Variants in RSC1A1 observed in about 807,000 individuals in gnomAD.
RSC1A1 encodes regulatory solute carrier protein family 1 member 1.
In RSC1A1, 6 loss-of-function variants were observed where a neutral mutation model predicts 7.7. That is an observed-to-expected ratio of 0.78 (90% confidence interval 0.43 to 1.53). The LOEUF (loss-of-function observed/expected upper bound fraction) is 1.53, where lower values mean the gene tolerates loss of function less well. RSC1A1 is among the 40% of genes most tolerant of loss of function. The pLI is 0.01. For missense variants in RSC1A1, 729 were observed against 726.3 expected (o/e 1.00, Z -0.04); for synonymous variants, 250 against 263.0 (o/e 0.95, Z 0.48).
rs1442545986 is a variant in RSC1A1, at chr1:15,660,973, C to A, written c.1105C>A (p.Pro369Thr). ...LHELLVVSSK[P>T]ASENTSEEVI... ...TGAACTTTTGGTTGTTAGCAGTAAACCAGCTTCAGAAAATACATCTGAAGA... is the reference window on the plus strand; with the variant it reads ...TGAACTTTTGGTTGTTAGCAGTAAAACAGCTTCAGAAAATACATCTGAAGA... The change falls in exon 1 of 1, where the codon CCA becomes ACA. Residue 369 changes from proline (P) to threonine (T), a missense_variant. Coordinates refer to ENST00000345034, the MANE Select transcript of RSC1A1 (RefSeq NM_006511.3). 6.2e-7 allele frequency: 1 copy of A among 1,613,778 alleles called. No individual in the cohort carries two copies. Among genetic ancestry groups the A allele is most frequent in the Non-Finnish European group, 8.5e-7 (1 of 1,179,894 alleles).
At position 15,661,430 on chromosome 1, in the gene RSC1A1, T is replaced by C; in HGVS notation, c.1562T>C (p.Val521Ala). ...TKSLSSNFIL[V>A]KDLGQGIQNS... is the part of the protein sequence containing the mutation. ...TCTTTGTCATCCAATTTCATATTGG[T>C]TAAAGACTTAGGTCAGGGCATACAG... The change falls in exon 1 of 1, where the codon GTT (valine) becomes GCT (alanine). Residue 521 changes from valine to alanine, a missense_variant. Transcript: ENST00000345034. 1 of 1,614,134 alleles carries C rather than the reference T, an allele frequency of 6.2e-7. No homozygotes were observed. Among genetic ancestry groups the C allele is most frequent in the Non-Finnish European group, 8.5e-7 (1 of 1,180,030 alleles).
rs1377991416 is a variant in RSC1A1 at position 15,661,728 on chromosome 1, G to A, written c.*6G>A. The A allele has an allele frequency of 4.4e-6, 7 of 1,600,538 alleles. No homozygotes were observed. In the Admixed American group the frequency reaches 1.2e-4, roughly 27 times the overall value. The stretch of plus-strand genomic sequence containing the variant: ...ACATCGTAGTTCCTACATGACTGTG[G>A]GAAAGTGGGCTAGACCGTTCTCCAT... On this transcript the variant is annotated 3_prime_UTR_variant, in exon 1 of 1. Transcript: ENST00000345034.
Position 15,660,132 on chromosome 1 carries a change from A to G in RSC1A1, c.264A>G (p.Pro88=). 2 of 1,614,234 alleles carry G rather than the reference A, an allele frequency of 1.2e-6. No individual in the cohort carries two copies. Among genetic ancestry groups the G allele is most frequent in the Non-Finnish European group, 1.7e-6 (2 of 1,180,050 alleles). Residue 88 remains proline (P), a synonymous_variant, in exon 1 of 1, where the codon CCA becomes CCG. Coordinates refer to ENST00000345034, the MANE Select transcript of RSC1A1 (RefSeq NM_006511.3). ...SDHASSADHA[P]TDQSPAMPMQ... is the part of the protein sequence containing the mutation. ...ATGCTTCCTCAGCAGACCATGCTCCAACAGACCAGAGTCCAGCTATGCCTA... is the reference window on the plus strand; with the variant it reads ...ATGCTTCCTCAGCAGACCATGCTCCGACAGACCAGAGTCCAGCTATGCCTA...
chr1:15,661,280 G>T lies in RSC1A1; in HGVS notation c.1412G>T (p.Arg471Leu), dbSNP rs138904592. ...PKSRESINKNRSVTVTSAKTS... is the reference protein window; with the variant it reads ...PKSRESINKNLSVTVTSAKTS... The stretch of plus-strand genomic sequence containing the variant: ...TCTAGGGAATCCATAAATAAGAACC[G>T]TTCTGTCACTGTAACCTCAGCTAAA... The change falls in exon 1 of 1, where the codon CGT (arginine) becomes CTT (leucine). Residue 471 changes from arginine (R) to leucine (L), a missense_variant. Coordinates refer to ENST00000345034, the MANE Select transcript of RSC1A1 (RefSeq NM_006511.3). The T allele has an allele frequency of 6.8e-6, 11 of 1,614,072 alleles. No homozygotes were observed. The highest frequency in any genetic ancestry group is 9.3e-6 in the Non-Finnish European group (11 of 1,180,012).
At position 15,661,824 on chromosome 1, in the gene RSC1A1, A is replaced by G; in HGVS notation, c.*102A>G. On this transcript the variant is annotated 3_prime_UTR_variant, in exon 1 of 1. Coordinates refer to ENST00000345034, the MANE Select transcript of RSC1A1 (RefSeq NM_006511.3). ...CACACTCACCACATATACAGTATAT[A>G]TAGAAACCTGCAAGCAGAATGTTGA... is the stretch of plus-strand genomic sequence containing the variant. 2 of 1,351,056 alleles carry G rather than the reference A, an allele frequency of 1.5e-6. No individual in the cohort carries two copies. The highest frequency in any genetic ancestry group is 9.6e-7 in the Non-Finnish European group (1 of 1,040,684). The allele number at this position is 1,351,056 out of a possible 1,614,324, so 83.7% of individuals were successfully genotyped here.
In RSC1A1 at chr1:15,661,575, A is replaced by ATTGATT. The variant is rs1407125874; in HGVS notation, c.1710_1715dup (p.Leu570_Ile571dup). ...CATCAAGTCCTGCCATTCTTCCACCATTGATTTTTCCTGCCACAGATATTG... is the reference window on the plus strand; with the variant it reads ...CATCAAGTCCTGCCATTCTTCCACCATTGATTTTGATTTTTCCTGCCACAGATATTG... On this transcript the variant is annotated inframe_insertion, in exon 1 of 1. Transcript: ENST00000345034. 6.2e-7 allele frequency: 1 copy of ATTGATT among 1,614,028 alleles called. No homozygotes were observed. The highest frequency in any genetic ancestry group is 1.3e-5 in the African/African-American group (1 of 74,912).
In RSC1A1 at chr1:15,661,603, C is replaced by T. The variant is rs374978366; in HGVS notation, c.1735C>T (p.Arg579Cys). Residue 579 changes from arginine (R) to cysteine (C), a missense_variant, in exon 1 of 1, where the codon CGC becomes TGC. Physicochemically the swap from Arg to Cys is radical, Grantham distance 180. Coordinates refer to ENST00000345034, the MANE Select transcript of RSC1A1 (RefSeq NM_006511.3). ...PLIFPATDID[R>C]ILRAGFTLQE... ...GATTTTTCCTGCCACAGATATTGAC[C>T]GCATTCTCCGTGCTGGCTTTACTTT... The T allele has an allele frequency of 1.7e-5, 28 of 1,614,022 alleles. No homozygotes were observed. Among genetic ancestry groups the T allele is most frequent in the Admixed American group, 5.0e-5 (3 of 60,002 alleles).
Position 15,660,365 on chromosome 1 carries a change from A to G in RSC1A1, c.497A>G (p.Gln166Arg). 6.2e-7 allele frequency: 1 copy of G among 1,614,112 alleles called. No individual in the cohort carries two copies. Among genetic ancestry groups the G allele is most frequent in the Non-Finnish European group, 8.5e-7 (1 of 1,180,006 alleles). ...AACCTGAGTCAAGTGAGTGACCCTC[A>G]GCAGCACGAAGAACCAGGGAATGAA... ...NQNLSQVSDP[Q>R]QHEEPGNEQY... The change falls in exon 1 of 1, where the codon CAG (glutamine) becomes CGG (arginine). Residue 166 changes from glutamine (Q) to arginine (R), a missense_variant. Gln to Arg is a conservative substitution (Grantham distance 43). Coordinates refer to ENST00000345034, the MANE Select transcript of RSC1A1 (RefSeq NM_006511.3).
Position 15,661,923 on chromosome 1 carries a change from A to G in RSC1A1, c.*201A>G. ...TTTGTCTGATGAATTTGTCTATCCTACTTGTTAAAATTTAGGCCTTTTTAA... is the reference window on the plus strand; with the variant it reads ...TTTGTCTGATGAATTTGTCTATCCTGCTTGTTAAAATTTAGGCCTTTTTAA... On this transcript the variant is annotated 3_prime_UTR_variant, in exon 1 of 1. Coordinates refer to ENST00000345034, the MANE Select transcript of RSC1A1 (RefSeq NM_006511.3). 1 of 751,758 alleles carries G rather than the reference A, an allele frequency of 1.3e-6. No homozygotes were observed. The highest frequency in any genetic ancestry group is 1.9e-6 in the Non-Finnish European group (1 of 519,244). The allele number at this position is 751,758 out of a possible 1,614,324, so 46.6% of individuals were successfully genotyped here.
In RSC1A1 at chr1:15,660,147, A is replaced by G. The variant is rs754361050; in HGVS notation, c.279A>G (p.Pro93=). 1.1e-5 allele frequency: 17 copies of G among 1,614,130 alleles called. No homozygotes were observed. Among genetic ancestry groups the G allele is most frequent in the Admixed American group, 3.3e-5 (2 of 60,008 alleles). Reference sequence around the variant, plus strand: ...ACCATGCTCCAACAGACCAGAGTCCAGCTATGCCTATGCAGAATTCATCCG... The same window carrying G: ...ACCATGCTCCAACAGACCAGAGTCCGGCTATGCCTATGCAGAATTCATCCG... ...SADHAPTDQS[P]AMPMQNSSEE... is the part of the protein sequence containing the mutation. Residue 93 remains proline, a synonymous_variant, in exon 1 of 1, where the codon CCA becomes CCG. Transcript: ENST00000345034.
chr1:15,659,771 C>T lies in RSC1A1; in HGVS notation c.-98C>T, dbSNP rs1348108807. 19 of 1,451,064 alleles carry T rather than the reference C, an allele frequency of 1.3e-5. No homozygotes were observed. Among genetic ancestry groups the T allele is most frequent in the Non-Finnish European group, 1.6e-5 (18 of 1,100,960 alleles). 89.9% of individuals were successfully genotyped at this position (1,451,064 alleles called of 1,614,324 possible). A position where few individuals can be genotyped will look rare whatever the true frequency, so the allele number is the denominator to read the frequency against. ...TCTACGCTGTTTAGATTTGTATCCT[C>T]TGGTAATTTAGTGGCATTAGTCACC... On this transcript the variant is annotated 5_prime_UTR_variant, in exon 1 of 1. Coordinates refer to ENST00000345034, the MANE Select transcript of RSC1A1 (RefSeq NM_006511.3).
In RSC1A1 at chr1:15,660,753, C is replaced by A. The variant is rs1557625915; in HGVS notation, c.885C>A (p.Asn295Lys). Reference sequence around the variant, plus strand: ...TGGAAGTAGAAACATCAAAATGTAACCCTTCATCTGAAATTTTGAATGATT... The same window carrying A: ...TGGAAGTAGAAACATCAAAATGTAAACCTTCATCTGAAATTTTGAATGATT... ...PLMEVETSKC[N>K]PSSEILNDSI... The change falls in exon 1 of 1, where the codon AAC becomes AAA. Residue 295 changes from asparagine (N) to lysine (K), a missense_variant. Asn to Lys is a moderately conservative substitution (Grantham distance 94, BLOSUM62 0). Coordinates refer to ENST00000345034, the MANE Select transcript of RSC1A1 (RefSeq NM_006511.3). 4 of 1,613,734 alleles carry A rather than the reference C, an allele frequency of 2.5e-6. No homozygotes were observed. The highest frequency in any genetic ancestry group is 2.5e-6 in the Non-Finnish European group (3 of 1,179,910).
chr1:15,661,296 C>T lies in RSC1A1; in HGVS notation c.1428C>T (p.Thr476=), dbSNP rs1640371677. ...SINKNRSVTV[T]SAKTSNQLHC... ...ATAAGAACCGTTCTGTCACTGTAACCTCAGCTAAAACATCCAATCAGTTAC... is the reference window on the plus strand; with the variant it reads ...ATAAGAACCGTTCTGTCACTGTAACTTCAGCTAAAACATCCAATCAGTTAC... The change falls in exon 1 of 1, where the codon ACC becomes ACT. Residue 476 remains threonine, a synonymous_variant. Coordinates refer to ENST00000345034, the MANE Select transcript of RSC1A1 (RefSeq NM_006511.3). The T allele has an allele frequency of 2.5e-6, 4 of 1,613,942 alleles. 1 individual carries two copies. The South Asian group carries it at 3.3e-5, about 13-fold the overall frequency.
chr1:15,661,764 CAAAAG>C lies in RSC1A1; in HGVS notation c.*46_*50del. ...TAGACCGTTCTCCATTCCCTTTAAACAAAAGAAAGCTCTCTCTATATACACGCACA... is the reference window on the plus strand; with the variant it reads ...TAGACCGTTCTCCATTCCCTTTAAACAAAGCTCTCTCTATATACACGCACA... On this transcript the variant is annotated 3_prime_UTR_variant, in exon 1 of 1. Transcript: ENST00000345034. 1 of 1,548,988 alleles carries C rather than the reference CAAAAG, an allele frequency of 6.5e-7. No homozygotes were observed. Among genetic ancestry groups the C allele is most frequent in the Non-Finnish European group, 8.7e-7 (1 of 1,149,588 alleles).
chr1:15,660,460 C>G lies in RSC1A1; in HGVS notation c.592C>G (p.Leu198Val). Reference protein sequence around the residue: ...EYLCNIGDLELPEERQQNQHK... With the variant: ...EYLCNIGDLEVPEERQQNQHK... ...TCTTTGTAACATAGGGGACCTTGAGCTTCCTGAAGAAAGGCAACAGAATCA... is the reference window on the plus strand; with the variant it reads ...TCTTTGTAACATAGGGGACCTTGAGGTTCCTGAAGAAAGGCAACAGAATCA... The change falls in exon 1 of 1, where the codon CTT (leucine) becomes GTT (valine). Residue 198 changes from leucine (L) to valine (V), a missense_variant. Physicochemically the swap from Leu to Val is conservative, Grantham distance 32. Transcript: ENST00000345034. 1 of 1,614,060 alleles carries G rather than the reference C, an allele frequency of 6.2e-7. No individual in the cohort carries two copies. Among genetic ancestry groups the G allele is most frequent in the Non-Finnish European group, 8.5e-7 (1 of 1,180,010 alleles).
chr1:15,661,840 A>C lies in RSC1A1; in HGVS notation c.*118A>C. 7.8e-7 allele frequency: 1 copy of C among 1,288,050 alleles called. No individual in the cohort carries two copies. 79.8% of individuals were successfully genotyped at this position (1,288,050 alleles called of 1,614,324 possible). On this transcript the variant is annotated 3_prime_UTR_variant, in exon 1 of 1. Transcript: ENST00000345034. Reference sequence around the variant, plus strand: ...ACAGTATATATAGAAACCTGCAAGCAGAATGTTGAGCCAGATTTTTTTTAA... The same window carrying C: ...ACAGTATATATAGAAACCTGCAAGCCGAATGTTGAGCCAGATTTTTTTTAA...
Position 15,660,514 on chromosome 1 carries a change from A to G in RSC1A1, c.646A>G (p.Met216Val), listed in dbSNP as rs2148307818. The change falls in exon 1 of 1, where the codon ATG becomes GTG. Residue 216 changes from methionine (M) to valine (V), a missense_variant. Met to Val is a conservative substitution (Grantham distance 21). Coordinates refer to ENST00000345034, the MANE Select transcript of RSC1A1 (RefSeq NM_006511.3). ...CAAAATTGTTGATTTGGAAGCTACG[A>G]TGAAAGGAAATGGGCTCCCACAGAA... ...QHKIVDLEAT[M>V]KGNGLPQNVD... is the part of the protein sequence containing the mutation. 1 of 1,613,618 alleles carries G rather than the reference A, an allele frequency of 6.2e-7. No individual in the cohort carries two copies. Among genetic ancestry groups the G allele is most frequent in the East Asian group, 2.2e-5 (1 of 44,880 alleles).
chr1:15,659,786 C>G lies in RSC1A1; in HGVS notation c.-83C>G. The G allele has an allele frequency of 6.8e-7, 1 of 1,469,650 alleles. No homozygotes were observed. Among genetic ancestry groups the G allele is most frequent in the Non-Finnish European group, 9.0e-7 (1 of 1,116,166 alleles). The allele number at this position is 1,469,650 out of a possible 1,614,324, so 91.0% of individuals were successfully genotyped here. A position where few individuals can be genotyped will look rare whatever the true frequency, so the allele number is the denominator to read the frequency against. ...TTTGTATCCTCTGGTAATTTAGTGG[C>G]ATTAGTCACCTGCTAATTAATCTTT... On this transcript the variant is annotated 5_prime_UTR_variant, in exon 1 of 1. Coordinates refer to ENST00000345034, the MANE Select transcript of RSC1A1 (RefSeq NM_006511.3).
At position 15,660,852 on chromosome 1, in the gene RSC1A1, T is replaced by C; in HGVS notation, c.984T>C (p.His328=). The C allele has an allele frequency of 6.2e-7, 1 of 1,614,120 alleles. No individual in the cohort carries two copies. Residue 328 remains histidine, a synonymous_variant, in exon 1 of 1, where the codon CAT becomes CAC. Coordinates refer to ENST00000345034, the MANE Select transcript of RSC1A1 (RefSeq NM_006511.3). ...EIPGTNKEYG[H]YSSPSLCGSC... is the part of the protein sequence containing the mutation. ...CTGGAACAAATAAAGAATATGGCCATTACTCCTCTCCAAGTCTCTGTGGCA... is the reference window on the plus strand; with the variant it reads ...CTGGAACAAATAAAGAATATGGCCACTACTCCTCTCCAAGTCTCTGTGGCA...
Sources: gnomAD v4.1 joint callset for allele counts on GRCh38, gnomAD v4.1.1 for gene constraint, MANE v1.5 for transcripts, NCBI Gene and HGNC (gene_info 2026-07-23, HGNC 2026-07-21) for gene names.